The following AGAP1 variants were observed in gnomAD, a reference collection of about 807,000 sequenced individuals.
AGAP1 encodes arf-GAP with GTPase, ANK repeat and PH domain-containing protein 1.
Under a neutral mutation model 105.3 loss-of-function variants are expected in AGAP1, and 29 were observed. The observed-to-expected ratio is 0.28, with a 90% CI of 0.21 to 0.38. The LOEUF is 0.38. Ranked by LOEUF, AGAP1 falls within the 10% of genes least tolerant of loss-of-function variation. The pLI is 1.00. For missense variants in AGAP1, 998 were observed against 1,165.1 expected, an observed-to-expected ratio of 0.86 and a Z score of 2.09; for synonymous variants, 509 against 485.9, an observed-to-expected ratio of 1.05 and a Z score of -0.63.
At chr2:235,638,646 TTAG>T (rs150625582) in intron 1 of AGAP1, among the ~76,000 whole-genome samples, 2,853 of 152,268 alleles carry the variant, frequency 0.019, 80 homozygotes, top group African/African-American at 0.064. Context: ...TGGTTCCCAA[TTAG>T]TAGGAGAACT....
In AGAP1 at chr2:235,741,761, A is replaced by ATT. The variant is rs373237927; in HGVS notation, c.396+724_396+725dup. ...TATTGTTATTTTTTATTATTTATTT[A>ATT]TTTTTTTTTTTTGAGACAGTCTCGC... On this transcript the variant is annotated intron_variant, in intron 4 of 17. Transcript: ENST00000304032. The surrounding 1 kb of genome is among the most constrained non-coding windows in gnomAD (Gnocchi z 4.9). 1.4e-5 allele frequency among the ~76,000 whole-genome samples: 2 copies of ATT among 141,830 alleles called. No homozygotes were observed. Among genetic ancestry groups the ATT allele is most frequent in the African/African-American group, 5.1e-5 (2 of 38,986 alleles). 93.0% of individuals were successfully genotyped at this position (141,830 alleles called of 152,430 possible).
chr2:235,852,772 A>AGGCG (rs752245368), intron 9 of AGAP1: 1 of 1,538,644 alleles, frequency 6.5e-7, no homozygotes, highest in Non-Finnish European at 8.8e-7. Context: ...CCCCCTGGCC[A>AGGCG]GGGCCGAGGG....
At position 235,971,829 on chromosome 2, in the gene AGAP1, G is replaced by C. The variant is rs564058596; in HGVS notation, c.1645+3206G>C. ...GTCCTCGCTCTGTCACCCAGGCTGG[G>C]GTGTAGTGGTGCAGTCACGGCTCAC... On this transcript the variant is annotated intron_variant, in intron 13 of 17. Transcript: ENST00000304032. The surrounding 1 kb of genome is among the most constrained non-coding windows in gnomAD (Gnocchi z 4.8). 6.6e-5 allele frequency among the ~76,000 whole-genome samples: 10 copies of C among 150,488 alleles called. No homozygotes were observed. The South Asian group carries it at 1.9e-3, about 29-fold the overall frequency.
In AGAP1 at chr2:235,970,567, C is replaced by T. The variant is rs6730534; in HGVS notation, c.1645+1944C>T. 0.12 allele frequency among the ~76,000 whole-genome samples: 17,972 copies of T among 152,220 alleles called. 2,692 individuals are homozygous for T. The highest frequency in any genetic ancestry group is 0.35 in the African/African-American group (14,719 of 41,494). On this transcript the variant is annotated intron_variant, in intron 13 of 17. Transcript: ENST00000304032. The surrounding 1 kb of genome is among the most constrained non-coding windows in gnomAD (Gnocchi z 5.4). ...CCTTGTTCTCACTTTCACAGGCACGCGTCTTCTTGCATTTGTTGTGTGTTT... is the reference window on the plus strand; with the variant it reads ...CCTTGTTCTCACTTTCACAGGCACGTGTCTTCTTGCATTTGTTGTGTGTTT...
chr2:235,942,366 G>A (rs868739740), intron 12 of AGAP1, among the ~76,000 whole-genome samples: 14 of 152,090 alleles, frequency 9.2e-5, no homozygotes, highest in Non-Finnish European at 1.3e-4. Flanking sequence ...TGGGCCTCAA[G>A]GCAACAATGT....
At chr2:235,836,282 A>G (rs1428522411) in intron 9 of AGAP1, among the ~76,000 whole-genome samples, 1 of 152,230 alleles carries the variant, frequency 6.6e-6, no homozygotes, top group Non-Finnish European at 1.5e-5. Context: ...TGGTAAAGGT[A>G]CAGCGATCAA....
intron 3 of AGAP1, among the ~76,000 whole-genome samples, chr2:235,727,552 C>T (rs1476947560): frequency 6.6e-6 from 1 of 152,176 alleles, no homozygotes; most frequent in Non-Finnish European, 1.5e-5. Flanking sequence ...CAAGTTTTTG[C>T]TTCTTAATCT....
Position 235,553,978 on chromosome 2 carries a change from T to G in AGAP1, c.163+59129T>G, listed in dbSNP as rs1278393806. Among the ~76,000 whole-genome samples, 1 of 152,134 alleles carries G rather than the reference T, an allele frequency of 6.6e-6. No individual in the cohort carries two copies. Among genetic ancestry groups the G allele is most frequent in the Admixed American group, 6.5e-5 (1 of 15,286 alleles). On this transcript the variant is annotated intron_variant, in intron 1 of 17. Transcript: ENST00000304032. This position sits in a 1 kb window ranked among gnomAD's most constrained non-coding sequence, Gnocchi z 4.5. ...CAGCCCTCCTGGACCCCTTACTGGG[T>G]GGACAAAGGTTTTCTGTGTGACTCA...
chr2:235,874,008 C>T lies in AGAP1; in HGVS notation c.1051-9337C>T, dbSNP rs539359818. Reference sequence around the variant, plus strand: ...TCTCCCAAAGTGCTGGGGTCACAGGCGTGAGCCATCACGCCCAGCCCAGAA... The same window carrying T: ...TCTCCCAAAGTGCTGGGGTCACAGGTGTGAGCCATCACGCCCAGCCCAGAA... On this transcript the variant is annotated intron_variant, in intron 9 of 17. Transcript: ENST00000304032. This position sits in a 1 kb window ranked among gnomAD's most constrained non-coding sequence, Gnocchi z 4.5. Among the ~76,000 whole-genome samples, 5 of 151,482 alleles carry T rather than the reference C, an allele frequency of 3.3e-5. No homozygotes were observed. The highest frequency in any genetic ancestry group is 1.3e-4 in the Admixed American group (2 of 15,242).
intron 6 of AGAP1, among the ~76,000 whole-genome samples, chr2:235,783,133 A>T (rs1030288902): frequency 6.6e-6 from 1 of 151,184 alleles, no homozygotes; most frequent in Admixed American, 6.6e-5. Context: ...CTTAAATACC[A>T]TTTTTCTCAG....
At chr2:235,756,026 G>T (rs982468158) in intron 6 of AGAP1, among the ~76,000 whole-genome samples, 1 of 152,208 alleles carries the variant, frequency 6.6e-6, no homozygotes, top group Admixed American at 6.5e-5. Context: ...TAGCAACAGG[G>T]CCCCTTTGAG....
At position 235,689,138 on chromosome 2, in the gene AGAP1, G is replaced by A. The variant is rs1949615387; in HGVS notation, c.164-20041G>A. ...AAATAAGCCCAAGGCTATCCCATGA[G>A]TTAGGGGCTTCAGGGCTTCTGCGCT... On this transcript the variant is annotated intron_variant, in intron 1 of 17. Coordinates refer to ENST00000304032, the MANE Select transcript of AGAP1 (RefSeq NM_001037131.3). This position sits in a 1 kb window ranked among gnomAD's most constrained non-coding sequence, Gnocchi z 4.2. 1.3e-5 allele frequency among the ~76,000 whole-genome samples: 2 copies of A among 152,262 alleles called. No homozygotes were observed. Among genetic ancestry groups the A allele is most frequent in the Admixed American group, 1.3e-4 (2 of 15,290 alleles).
rs2050618315 is a variant in AGAP1 at position 235,893,041 on chromosome 2, A to G, written c.1155+9592A>G. Among the ~76,000 whole-genome samples the G allele has an allele frequency of 6.6e-6, 1 of 152,240 alleles. No individual in the cohort carries two copies. The highest frequency in any genetic ancestry group is 2.4e-5 in the African/African-American group (1 of 41,466). Reference sequence around the variant, plus strand: ...ATTATTTCATCTTGCTTTCTTGGTCATAAGCTAAGGTGCTTGGAGCTGTCC... The same window carrying G: ...ATTATTTCATCTTGCTTTCTTGGTCGTAAGCTAAGGTGCTTGGAGCTGTCC... On this transcript the variant is annotated intron_variant, in intron 10 of 17. Transcript: ENST00000304032. The surrounding 1 kb of genome is among the most constrained non-coding windows in gnomAD (Gnocchi z 4.7).
intron 16 of AGAP1, chr2:236,072,267 C>T (rs2058519347): frequency 6.6e-6 from 1 of 151,978 alleles, no homozygotes; most frequent in Non-Finnish European, 1.5e-5. Context: ...TGGTGAAACT[C>T]CATCTCTACT....
In AGAP1 at chr2:235,958,001, A is replaced by G. The variant is rs1020457548; in HGVS notation, c.1484-10461A>G. On this transcript the variant is annotated intron_variant, in intron 12 of 17. Coordinates refer to ENST00000304032, the MANE Select transcript of AGAP1 (RefSeq NM_001037131.3). The surrounding 1 kb of genome is among the most constrained non-coding windows in gnomAD (Gnocchi z 4.1). The stretch of plus-strand genomic sequence containing the variant: ...GGTGTGGGTGGAAGTCAGCAGGGGC[A>G]GGGGGCCGATACATACGTGCTTAGC... 2.0e-5 allele frequency among the ~76,000 whole-genome samples: 3 copies of G among 152,210 alleles called. No individual in the cohort carries two copies. Among genetic ancestry groups the G allele is most frequent in the African/African-American group, 7.2e-5 (3 of 41,452 alleles).
At chr2:235,604,984 G>A (rs934328371) in intron 1 of AGAP1, among the ~76,000 whole-genome samples, 38 of 151,552 alleles carry the variant, frequency 2.5e-4, no homozygotes, top group African/African-American at 6.8e-4. Flanking sequence ...AGGTTTAAGC[G>A]ATTCTCGTGC....
intron 1 of AGAP1, among the ~76,000 whole-genome samples, chr2:235,500,578 G>A (rs1218787953): frequency 6.6e-6 from 1 of 152,222 alleles, no homozygotes; most frequent in African/African-American, 2.4e-5. Flanking sequence ...CTGCCCTGCA[G>A]GTTTCAGGTG....
At position 235,555,236 on chromosome 2, in the gene AGAP1, C is replaced by G. The variant is rs1203207867; in HGVS notation, c.163+60387C>G. On this transcript the variant is annotated intron_variant, in intron 1 of 17. Coordinates refer to ENST00000304032, the MANE Select transcript of AGAP1 (RefSeq NM_001037131.3). The surrounding 1 kb of genome is among the most constrained non-coding windows in gnomAD (Gnocchi z 5.1). ...CTGCAGTGCCATCCTTCTTGCCGCT[C>G]CCACCCACTTCTGTGATGCACAGAA... 6.6e-6 allele frequency among the ~76,000 whole-genome samples: 1 copy of G among 152,160 alleles called. No individual in the cohort carries two copies. The highest frequency in any genetic ancestry group is 1.9e-4 in the East Asian group (1 of 5,190).
rs985530186 is a variant in AGAP1 at position 235,887,310 on chromosome 2, G to T, written c.1155+3861G>T. ...TTTGGGTTTCAGAGTCATTATTGTT[G>T]CTCCTAACTCTATTACTGACCACAG... is the stretch of plus-strand genomic sequence containing the variant. On this transcript the variant is annotated intron_variant, in intron 10 of 17. Transcript: ENST00000304032. This position sits in a 1 kb window ranked among gnomAD's most constrained non-coding sequence, Gnocchi z 4.1. Among the ~76,000 whole-genome samples the T allele has an allele frequency of 6.6e-6, 1 of 152,096 alleles. No homozygotes were observed. The highest frequency in any genetic ancestry group is 1.5e-5 in the Non-Finnish European group (1 of 68,018).
Sources: allele counts gnomAD v4.1 joint callset (sites outside exome capture counted in the v4.1 genomes callset), GRCh38; gene constraint gnomAD v4.1.1; non-coding constraint Gnocchi (gnomAD v3.1); transcripts MANE v1.5; gene names NCBI Gene and HGNC (gene_info 2026-07-23, HGNC 2026-07-21).